LCT: variants seen among roughly 807,000 people sequenced by gnomAD.
LCT encodes the protein lactase, also known as lactase/phlorizin hydrolase.
Under a neutral mutation model 173.0 loss-of-function variants are expected in LCT, and 90 were observed. The ratio of observed to expected loss-of-function variants is 0.52; its 90% CI spans 0.44 to 0.62. LCT has a LOEUF of 0.62. Ranked by LOEUF, LCT falls within the 20% of genes least tolerant of loss-of-function variation. The pLI is 0.00. For missense variants in LCT, 1,864 were observed against 2,431.4 expected (o/e 0.77, Z 4.91); for synonymous variants, 853 against 957.6 (o/e 0.89, Z 2.02).
intron 16 of LCT, among the ~76,000 whole-genome samples, 172 bp downstream of exon 16, chr2:135,789,399 T>C (rs1252307405): frequency 1.3e-5 from 2 of 152,194 alleles, no homozygotes; most frequent in Admixed American, 6.5e-5. Context: ...TGTCCTTTGT[T>C]CCACCCCAGG....
chr2:135,790,599 A>G lies in LCT; in HGVS notation c.5335+59T>C, dbSNP rs892716. On this transcript the variant is annotated intron_variant, in intron 15 of 16. Transcript: ENST00000264162. This position sits in a 1 kb window ranked among gnomAD's most constrained non-coding sequence, Gnocchi z 4.1. ...AAGGACGCTGTATCACACTCCTGCA[A>G]ATAGCAGATGTTTCCAACAGGGGAA... The G allele has an allele frequency of 0.99, 1,084,841 of 1,095,622 alleles. 537,436 individuals carry two copies. The highest frequency in any genetic ancestry group is 1 in the Non-Finnish European group (710,425 of 710,540). The allele number at this position is 1,095,622 out of a possible 1,614,324, so 67.9% of individuals were successfully genotyped here.
At chr2:135,810,890 G>A (rs2077729500) in intron 7 of LCT, among the ~76,000 whole-genome samples, 2 of 152,178 alleles carry the variant, frequency 1.3e-5, no homozygotes, top group African/African-American at 4.8e-5. Context: ...AGCCGGGCGT[G>A]GTGACGGGAG....
rs932529200 is a variant in LCT at position 135,807,520 on chromosome 2, A to G, written c.3905-124T>C. 4.8e-5 allele frequency: 41 copies of G among 853,454 alleles called. No individual in the cohort carries two copies. The Middle Eastern group carries it at 1.3e-3, about 27-fold the overall frequency. The allele number at this position is 853,454 out of a possible 1,614,324, so 52.9% of individuals were successfully genotyped here. A position where few individuals can be genotyped will look rare whatever the true frequency, so the allele number is the denominator to read the frequency against. On this transcript the variant is annotated intron_variant, in intron 8 of 16. Coordinates refer to ENST00000264162, the MANE Select transcript of LCT (RefSeq NM_002299.4). Reference sequence around the variant, plus strand: ...TCCTAAAAGTGACATACACCCTGAGAGACCAACAGATCATCTGTTGATCTT... The same window carrying G: ...TCCTAAAAGTGACATACACCCTGAGGGACCAACAGATCATCTGTTGATCTT...
At chr2:135,798,214 A>T in intron 12 of LCT, 76 bp from the exon 13 acceptor site, 2 of 829,232 alleles carry the variant, frequency 2.4e-6, no homozygotes, top group South Asian at 2.6e-5. Flanking sequence ...CCCGCTCAGA[A>T]GTGCCTGGCC....
intron 12 of LCT, among the ~76,000 whole-genome samples, chr2:135,798,600 T>C (rs1258534082): frequency 6.6e-6 from 1 of 152,174 alleles, no homozygotes; most frequent in East Asian, 1.9e-4. Flanking sequence ...TTTCCTGACT[T>C]TCCGGGCAAA....
intron 9 of LCT, among the ~76,000 whole-genome samples, chr2:135,805,613 C>G (rs143264560): frequency 6.6e-6 from 1 of 152,252 alleles, no homozygotes; most frequent in East Asian, 1.9e-4. Context: ...ATGCTGAGAG[C>G]CAATGTGAGC....
chr2:135,792,047 G>A (rs1006263792), intron 14 of LCT, among the ~76,000 whole-genome samples: 17 of 152,186 alleles, frequency 1.1e-4, no homozygotes, highest in African/African-American at 3.6e-4. Context: ...AACTCCATGA[G>A]ACAGCTGCAA....
At chr2:135,820,195 C>G (rs1430392132) in intron 5 of LCT, 1 of 152,282 alleles carries the variant, frequency 6.6e-6, no homozygotes, top group Non-Finnish European at 1.5e-5. Context: ...CCAACCACAT[C>G]CTCCTGAGTA....
In LCT at chr2:135,809,463, C is replaced by T. The variant is rs774955926; in HGVS notation, c.2884G>A (p.Asp962Asn). 1.2e-6 allele frequency: 2 copies of T among 1,614,214 alleles called. No individual in the cohort carries two copies. The highest frequency in any genetic ancestry group is 1.7e-6 in the Non-Finnish European group (2 of 1,180,036). The change falls in exon 8 of 17, where the codon GAT becomes AAT. Residue 962 changes from aspartate to asparagine, a missense_variant. By Grantham distance (23) the Asp-to-Asn change is conservative. This residue lies in a region of LCT where 755 missense variants were observed against 926.3 expected (regional missense o/e 0.82). Coordinates refer to ENST00000264162, the MANE Select transcript of LCT (RefSeq NM_002299.4). The surrounding 1 kb of genome is among the most constrained non-coding windows in gnomAD (Gnocchi z 5.5). Reference sequence around the variant, plus strand: ...TTCAAAGCTCGGAGCATATTCAGATCGGCATCCAGCTGGTGATAGCTGTCA... The same window carrying T: ...TTCAAAGCTCGGAGCATATTCAGATTGGCATCCAGCTGGTGATAGCTGTCA... ...ACDSYHQLDA[D>N]LNMLRALKVK...
chr2:135,823,537 A>C (rs2105548924), intron 4 of LCT, among the ~76,000 whole-genome samples: 1 of 152,168 alleles, frequency 6.6e-6, no homozygotes, highest in East Asian at 1.9e-4. Flanking sequence ...CTGGCTGGAG[A>C]GAGACGGGCA....
rs60925499 is a variant in LCT, at chr2:135,829,719, G to A, written c.721-43C>T. 3.8e-6 allele frequency: 5 copies of A among 1,305,734 alleles called. No homozygotes were observed. In the South Asian group the frequency reaches 5.9e-5, roughly 15 times the overall value. The allele number at this position is 1,305,734 out of a possible 1,614,324, so 80.9% of individuals were successfully genotyped here. A position where few individuals can be genotyped will look rare whatever the true frequency, so the allele number is the denominator to read the frequency against. On this transcript the variant is annotated intron_variant, in intron 2 of 16. Coordinates refer to ENST00000264162, the MANE Select transcript of LCT (RefSeq NM_002299.4). The stretch of plus-strand genomic sequence containing the variant: ...ATAGGGTCATTAGAACCTAAGCACT[G>A]TCAAGACTAACAGCCTCTCAGAAGT...
intron 13 of LCT, among the ~76,000 whole-genome samples, chr2:135,795,604 C>CTAA (rs768794511): frequency 0.11 from 16,582 of 145,752 alleles, 1,157 homozygotes; most frequent in Middle Eastern, 0.32. Flanking sequence ...TTCTCCAACT[C>CTAA]TAATAATAAT....
rs150722551 is a variant in LCT at position 135,823,968 on chromosome 2, G to A, written c.840C>T (p.Asn280=). 326 of 1,613,990 alleles carry A rather than the reference G, an allele frequency of 2.0e-4. 1 individual carries two copies. Among genetic ancestry groups the A allele is most frequent in the Middle Eastern group, 1.5e-3 (9 of 6,060 alleles). ...TGGAGGGGCAGTCTGGGAGTTTTAG[G>A]TTGAAGATGAAAACTTTCACTTTTG... ...IEPKVKVFIF[N]LKLPDCPSTM... is the part of the protein sequence containing the mutation. Residue 280 remains asparagine (N), a synonymous_variant, in exon 4 of 17, where the codon AAC becomes AAT. Transcript: ENST00000264162.
In LCT at chr2:135,809,924, G is replaced by A. The variant is rs2077720640; in HGVS notation, c.2423C>T (p.Pro808Leu). 6.2e-7 allele frequency: 1 copy of A among 1,614,088 alleles called. No homozygotes were observed. The highest frequency in any genetic ancestry group is 1.3e-5 in the African/African-American group (1 of 74,932). Residue 808 changes from proline (P) to leucine (L), a missense_variant, in exon 8 of 17, where the codon CCT (proline) becomes CTT (leucine). Physicochemically the swap from Pro to Leu is moderately conservative, Grantham distance 98. Transcript: ENST00000264162. The surrounding 1 kb of genome is among the most constrained non-coding windows in gnomAD (Gnocchi z 5.5). ...GCCAAACCGCTGGCTGTAACCAGAAGGGCCTTCGAAGCCATCAATGAGGGA... is the reference window on the plus strand; with the variant it reads ...GCCAAACCGCTGGCTGTAACCAGAAAGGCCTTCGAAGCCATCAATGAGGGA... Reference protein sequence around the residue: ...ARSLIDGFEGPSGYSQRFGLH... With the variant: ...ARSLIDGFEGLSGYSQRFGLH...
intron 9 of LCT, among the ~76,000 whole-genome samples, chr2:135,805,277 T>C (rs2077661977): frequency 6.6e-6 from 1 of 152,078 alleles, no homozygotes; most frequent in South Asian, 2.1e-4. Flanking sequence ...CTGGGCAACA[T>C]GGCAAAACCC....
intron 9 of LCT, among the ~76,000 whole-genome samples, chr2:135,806,492 A>T (rs1364080265): frequency 6.6e-6 from 1 of 151,902 alleles, no homozygotes; most frequent in Non-Finnish European, 1.5e-5. Context: ...CCATTCACTC[A>T]CCCCTCACCC....
In LCT at chr2:135,837,014, A is replaced by G. The variant is rs374281166; in HGVS notation, c.156T>C (p.Ser52=). The part of the protein sequence containing the change: ...NLSGLLGDQS[S]NFVAGDKDMY... ...TGTCTTTGTCCCCTGCTACAAAGTT[A>G]GAACTCTGGTCTCCCAGGAGACCAC... Residue 52 remains serine, a synonymous_variant, in exon 1 of 17, where the codon TCT becomes TCC. Coordinates refer to ENST00000264162, the MANE Select transcript of LCT (RefSeq NM_002299.4). The G allele has an allele frequency of 5.0e-5, 81 of 1,614,012 alleles. No homozygotes were observed. Among genetic ancestry groups the G allele is most frequent in the African/African-American group, 8.0e-5 (6 of 74,906 alleles).
rs1010023164 is a variant in LCT at position 135,805,616 on chromosome 2, A to G, written c.4174-559T>C. 5.3e-5 allele frequency among the ~76,000 whole-genome samples: 8 copies of G among 152,338 alleles called. No homozygotes were observed. In the East Asian group the frequency reaches 9.6e-4, roughly 18 times the overall value. ...AAGCTCAGGCCCATGCTGAGAGCCA[A>G]TGTGAGCAAACTGCCTGCTTGGAAG... On this transcript the variant is annotated intron_variant, in intron 9 of 16. Transcript: ENST00000264162.
At chr2:135,795,302 G>C (rs2077573564) in intron 13 of LCT, among the ~76,000 whole-genome samples, 1 of 151,924 alleles carries the variant, frequency 6.6e-6, no homozygotes, top group Admixed American at 6.6e-5. Context: ...CCGCCTCCTG[G>C]GTTCAAGTGA....
Sources: gnomAD v4.1 joint callset for allele counts (sites outside exome capture counted in the v4.1 genomes callset) on GRCh38, gnomAD v4.1.1 for gene constraint, gnomAD v4.1.1 regional missense constraint, Gnocchi (gnomAD v3.1) non-coding constraint, MANE v1.5 for transcripts, NCBI Gene and HGNC (gene_info 2026-07-23, HGNC 2026-07-21) for gene names.